Variants in MORC3 observed in about 807,000 individuals in gnomAD.
MORC3 encodes MORC family CW-type zinc finger 3, also known as MORC family CW-type zinc finger protein 3.
Under a neutral mutation model 109.1 loss-of-function variants are expected in MORC3, and 31 were observed. That is an observed-to-expected ratio of 0.28 (90% CI 0.21 to 0.38). The LOEUF (loss-of-function observed/expected upper bound fraction) is 0.38, where lower values mean the gene tolerates loss of function less well. MORC3 is among the 10% of genes least tolerant of loss of function. MORC3 has a pLI of 1.00. For missense variants in MORC3, 867 were observed against 1,135.8 expected, an observed-to-expected ratio of 0.76 and a Z score of 3.40; for synonymous variants, 395 against 380.7, an observed-to-expected ratio of 1.04 and a Z score of -0.44.
At chr21:36,357,731 GT>G (rs1271655500) in intron 10 of MORC3, among the ~76,000 whole-genome samples, 95 of 134,942 alleles carry the variant, frequency 7.0e-4, no homozygotes, top group Middle Eastern at 3.7e-3. Context: ...GGTTGGTTGG[GT>G]TTTTTTTTTT....
At chr21:36,353,753 GTATTTT>G (rs2085605037) in intron 9 of MORC3, among the ~76,000 whole-genome samples, 3 of 26,408 alleles carry the variant, frequency 1.1e-4, no homozygotes, top group Non-Finnish European at 1.9e-4. Context: ...GCTAATTTTT[GTATTTT>G]TTTTTTTTTT....
rs2085546627 is a variant in MORC3 at position 36,349,343 on chromosome 21, T to C, written c.1038T>C (p.Ile346=). 6.2e-7 allele frequency: 1 copy of C among 1,611,494 alleles called. No homozygotes were observed. Among genetic ancestry groups the C allele is most frequent in the Non-Finnish European group, 8.5e-7 (1 of 1,179,226 alleles). The change falls in exon 9 of 17, where the codon ATT becomes ATC. Residue 346 remains isoleucine, a synonymous_variant. Coordinates refer to ENST00000400485, the MANE Select transcript of MORC3 (RefSeq NM_015358.3). ...ACATGGGTGTTGGAGTGGTTGGAAT[T>C]ATAGAGTGTAATTTCCTTAAGCCAA... ...ANNMGVGVVG[I]IECNFLKPTH... is the part of the protein sequence containing the mutation.
intron 8 of MORC3, among the ~76,000 whole-genome samples, chr21:36,345,952 G>A (rs142718918): frequency 3.7e-4 from 56 of 152,090 alleles, no homozygotes; most frequent in Non-Finnish European, 5.0e-4. Context: ...AGTGATCCTC[G>A]CACCTTAGCC....
rs199969763 is a variant in MORC3 at position 36,324,732 on chromosome 21, A to C, written c.39+4429A>C. Among the ~76,000 whole-genome samples, 182 of 88,702 alleles carry C rather than the reference A, an allele frequency of 2.1e-3. 1 individual carries two copies. The East Asian group carries it at 0.05, about 24-fold the overall frequency. The allele number at this position is 88,702 out of a possible 152,430, so 58.2% of individuals were successfully genotyped here. A position where few individuals can be genotyped will look rare whatever the true frequency, so the allele number is the denominator to read the frequency against. ...TTTTTTTTTTTTTTTTTGAGCCGGG[A>C]GTTTCACTCTTGTTGCCCAGGCTGG... On this transcript the variant is annotated intron_variant, in intron 1 of 16. Coordinates refer to ENST00000400485, the MANE Select transcript of MORC3 (RefSeq NM_015358.3).
chr21:36,338,950 T>C (rs2085405002), intron 5 of MORC3, 29 bp downstream of exon 5: 1 of 1,610,046 alleles, frequency 6.2e-7, no homozygotes, highest in Non-Finnish European at 8.5e-7. Context: ...GTTGACCGTT[T>C]GGGAAGTAAA....
chr21:36,328,784 T>TC (rs1192509429), intron 1 of MORC3, among the ~76,000 whole-genome samples: 1 of 151,866 alleles, frequency 6.6e-6, no homozygotes, highest in Non-Finnish European at 1.5e-5. Context: ...GTCTGTAATA[T>TC]CCTTTACATT....
Position 36,358,734 on chromosome 21 carries a change from C to T in MORC3, c.1209-1221C>T, listed in dbSNP as rs998752916. Reference sequence around the variant, plus strand: ...TTGCTCTGTCGCCCAGGCTGGAGTGCAGTGGCGCAATCTCGGCTCACTGCA... The same window carrying T: ...TTGCTCTGTCGCCCAGGCTGGAGTGTAGTGGCGCAATCTCGGCTCACTGCA... On this transcript the variant is annotated intron_variant, in intron 10 of 16. Transcript: ENST00000400485. 1.1e-4 allele frequency among the ~76,000 whole-genome samples: 17 copies of T among 151,768 alleles called. No individual in the cohort carries two copies. In the East Asian group the frequency reaches 3.3e-3, roughly 29 times the overall value.
intron 10 of MORC3, among the ~76,000 whole-genome samples, chr21:36,359,509 G>A (rs1210587330): frequency 1.3e-5 from 2 of 150,018 alleles, no homozygotes; most frequent in African/African-American, 4.9e-5. Context: ...ATGAGCTACC[G>A]TGCCTTGCCT....
At chr21:36,329,305 A>C (rs1046463930) in intron 1 of MORC3, among the ~76,000 whole-genome samples, 10 of 149,624 alleles carry the variant, frequency 6.7e-5, no homozygotes, top group South Asian at 2.1e-4. Context: ...AAAAACAAAA[A>C]AAAAAAAAGA....
chr21:36,332,733 C>T (rs771158093), intron 1 of MORC3, among the ~76,000 whole-genome samples: 1 of 148,348 alleles, frequency 6.7e-6, no homozygotes, highest in Admixed American at 6.8e-5. Context: ...TGTACTGACT[C>T]GAGTATGGAG....
At chr21:36,367,778 T>A (rs1444083108) in intron 14 of MORC3, among the ~76,000 whole-genome samples, 1 of 152,212 alleles carries the variant, frequency 6.6e-6, no homozygotes, top group Non-Finnish European at 1.5e-5. Flanking sequence ...AGAAACAGAT[T>A]ATGTACGGGC....
intron 15 of MORC3, 96 bp from the exon 16 acceptor site, chr21:36,372,278 G>T: frequency 9.2e-7 from 1 of 1,081,896 alleles, no homozygotes; most frequent in Non-Finnish European, 1.3e-6. Flanking sequence ...AGTTGATAAT[G>T]TTATCAAGCA....
chr21:36,376,419 T>C lies in MORC3; in HGVS notation c.*1123T>C, dbSNP rs1223908424. 1.3e-5 allele frequency: 2 copies of C among 152,482 alleles called. No individual in the cohort carries two copies. The highest frequency in any genetic ancestry group is 4.8e-5 in the African/African-American group (2 of 41,470). 9.4% of individuals were successfully genotyped at this position (152,482 alleles called of 1,614,324 possible). A position where few individuals can be genotyped will look rare whatever the true frequency, so the allele number is the denominator to read the frequency against. On this transcript the variant is annotated 3_prime_UTR_variant, in exon 17 of 17. Transcript: ENST00000400485. ...TGTTTTTGAACATTCAATCCGTTCA[T>C]TTTGTATGTATGCTTAATACGTGTC...
intron 1 of MORC3, among the ~76,000 whole-genome samples, chr21:36,322,438 C>T (rs907971745): frequency 2.6e-5 from 4 of 152,174 alleles, no homozygotes; most frequent in Admixed American, 6.5e-5. Flanking sequence ...GTGGCACGAT[C>T]TCGGCTCACT....
chr21:36,351,054 C>T (rs1432035640), intron 9 of MORC3, among the ~76,000 whole-genome samples: 1 of 134,112 alleles, frequency 7.5e-6, no homozygotes, highest in South Asian at 2.4e-4. Context: ...TACGGTTGTC[C>T]TCCTTTTTTT....
chr21:36,339,518 AAAG>A (rs1261693173), intron 5 of MORC3: 14 of 147,638 alleles, frequency 9.5e-5, no homozygotes, highest in Non-Finnish European at 8.9e-5. Flanking sequence ...AAAAAAAAAA[AAAG>A]AAAAAAGAAA....
intron 6 of MORC3, among the ~76,000 whole-genome samples, chr21:36,342,665 A>C (rs769088628): frequency 6.6e-6 from 1 of 151,958 alleles, no homozygotes; most frequent in Non-Finnish European, 1.5e-5. Flanking sequence ...CAGCCTCCCA[A>C]AGTGCTGGGA....
intron 15 of MORC3, among the ~76,000 whole-genome samples, chr21:36,372,011 C>G (rs2085875017): frequency 6.6e-6 from 1 of 152,000 alleles, no homozygotes; most frequent in Non-Finnish European, 1.5e-5. Context: ...TGGGGTTTCT[C>G]CATTTTGGTC....
In MORC3 at chr21:36,344,649, A is replaced by G; in HGVS notation, c.827A>G (p.Gln276Arg). 6.2e-7 allele frequency: 1 copy of G among 1,614,168 alleles called. No homozygotes were observed. Among genetic ancestry groups the G allele is most frequent in the Non-Finnish European group, 8.5e-7 (1 of 1,180,008 alleles). ...IILRGQKVKT[Q>R]LVSKSLAYIE... ...CTACGTGGACAGAAAGTGAAGACAC[A>G]GCTGGTTTCGAAGAGTCTTGCCTAC... Residue 276 changes from glutamine (Q) to arginine (R), a missense_variant, in exon 7 of 17, where the codon CAG becomes CGG. Transcript: ENST00000400485.
Sources: allele counts gnomAD v4.1 joint callset (sites outside exome capture counted in the v4.1 genomes callset), GRCh38; gene constraint gnomAD v4.1.1; transcripts MANE v1.5; gene names NCBI Gene and HGNC (gene_info 2026-07-23, HGNC 2026-07-21).